CHSY3: variants seen among roughly 807,000 people sequenced by gnomAD.
The protein encoded by CHSY3 is N-acetylgalactosaminyl-proteoglycan 3-beta-glucuronosyltransferase 3.
A neutral mutation model predicts 67.2 loss-of-function variants in CHSY3; 35 were observed. That is an observed-to-expected ratio of 0.52 (90% CI 0.40 to 0.69). The LOEUF is 0.69. Among genes scored for constraint, CHSY3 ranks in the 30% least tolerant of loss-of-function variants. CHSY3 has a pLI of 0.00. For missense variants in CHSY3, 1,069 were observed against 1,138.5 expected (o/e 0.94, Z 0.88); for synonymous variants, 474 against 434.7 (o/e 1.09, Z -1.12).
At position 130,160,387 on chromosome 5, in the gene CHSY3, C is replaced by A. The variant is rs1769496029; in HGVS notation, c.1087-23842C>A. 3.9e-5 allele frequency among the ~76,000 whole-genome samples: 6 copies of A among 152,276 alleles called. No individual in the cohort carries two copies. In the South Asian group the frequency reaches 1.2e-3, roughly 32 times the overall value. On this transcript the variant is annotated intron_variant, in intron 2 of 2. Coordinates refer to ENST00000305031, the MANE Select transcript of CHSY3 (RefSeq NM_175856.5). ...TCCCCCTTACTATAACATGGGATGG[C>A]CCTTTCTCCTATCAAAGGCCCATTC... is the stretch of plus-strand genomic sequence containing the variant.
chr5:129,990,167 TAAC>T (rs1763319877), intron 2 of CHSY3, among the ~76,000 whole-genome samples: 1 of 152,192 alleles, frequency 6.6e-6, no homozygotes, highest in African/African-American at 2.4e-5. Context: ...TCTAATTTTT[TAAC>T]AAAATTACAG....
At chr5:130,001,828 T>C (rs936660808) in intron 2 of CHSY3, 14 of 847,902 alleles carry the variant, frequency 1.7e-5, no homozygotes, top group Admixed American at 6.2e-5. Context: ...TCTATTTTCC[T>C]GTAACTGACA....
chr5:129,927,419 A>T (rs1003459238), intron 2 of CHSY3, among the ~76,000 whole-genome samples: 2 of 152,048 alleles, frequency 1.3e-5, no homozygotes, highest in Non-Finnish European at 2.9e-5. Context: ...GTAGATTAAA[A>T]AATCAACCTA....
intron 2 of CHSY3, among the ~76,000 whole-genome samples, chr5:130,120,542 A>T (rs1409031962): frequency 6.6e-6 from 1 of 151,472 alleles, no homozygotes; most frequent in Non-Finnish European, 1.5e-5. Flanking sequence ...CATTAACACT[A>T]GTTGTGAACA....
At chr5:129,980,782 A>C (rs1324182082) in intron 2 of CHSY3, among the ~76,000 whole-genome samples, 2 of 152,136 alleles carry the variant, frequency 1.3e-5, no homozygotes, top group Non-Finnish European at 2.9e-5. Context: ...ATTCACGTTG[A>C]GTTAACTGTG....
chr5:130,084,597 TAA>T (rs1766550498), intron 2 of CHSY3, among the ~76,000 whole-genome samples: 2 of 149,622 alleles, frequency 1.3e-5, no homozygotes, highest in East Asian at 2.0e-4. Context: ...TTTAATTAAT[TAA>T]TTAATTTATT....
intron 2 of CHSY3, among the ~76,000 whole-genome samples, chr5:130,055,213 A>G (rs1251066429): frequency 6.6e-6 from 1 of 152,116 alleles, no homozygotes; most frequent in Non-Finnish European, 1.5e-5. Flanking sequence ...ATGTGATTCA[A>G]CAAACAATTC....
chr5:130,036,887 G>A (rs1392823744), intron 2 of CHSY3, among the ~76,000 whole-genome samples: 1 of 152,112 alleles, frequency 6.6e-6, no homozygotes, highest in Non-Finnish European at 1.5e-5. Flanking sequence ...AACTGGTAAA[G>A]AGCCATAGTC....
chr5:129,948,879 G>A (rs1356318106), intron 2 of CHSY3, among the ~76,000 whole-genome samples: 3 of 152,122 alleles, frequency 2.0e-5, no homozygotes. Flanking sequence ...TCTTGCAGTA[G>A]TGGGATTGTT....
intron 2 of CHSY3, among the ~76,000 whole-genome samples, chr5:130,111,810 A>C (rs1292925184): frequency 6.6e-6 from 1 of 152,080 alleles, no homozygotes; most frequent in Non-Finnish European, 1.5e-5. Flanking sequence ...AGAAATATGC[A>C]GGTGCAATGA....
At chr5:129,997,121 T>A (rs535402070) in intron 2 of CHSY3, among the ~76,000 whole-genome samples, 20 of 145,752 alleles carry the variant, frequency 1.4e-4, no homozygotes, top group East Asian at 1.0e-3. Flanking sequence ...TCAAAGCATT[T>A]AAAAAAAAAA....
chr5:129,938,965 G>A (rs577388177), intron 2 of CHSY3, among the ~76,000 whole-genome samples: 1 of 152,144 alleles, frequency 6.6e-6, no homozygotes, highest in East Asian at 1.9e-4. Context: ...TTCTGTATTA[G>A]TCCATTCTCA....
chr5:130,142,734 C>T (rs1768906153), intron 2 of CHSY3, among the ~76,000 whole-genome samples: 1 of 152,086 alleles, frequency 6.6e-6, no homozygotes, highest in Non-Finnish European at 1.5e-5. Context: ...TGATCAAGTC[C>T]CAAATTTCCA....
At chr5:129,949,514 G>A (rs1055182870) in intron 2 of CHSY3, among the ~76,000 whole-genome samples, 6 of 152,082 alleles carry the variant, frequency 3.9e-5, no homozygotes, top group African/African-American at 1.4e-4. Flanking sequence ...GACTTCACTG[G>A]TGCATTCTAC....
At chr5:129,968,440 T>A (rs1686875173) in intron 2 of CHSY3, among the ~76,000 whole-genome samples, 1 of 151,962 alleles carries the variant, frequency 6.6e-6, no homozygotes, top group South Asian at 2.1e-4. Context: ...CAAACATATA[T>A]TGAATATTGA....
intron 2 of CHSY3, among the ~76,000 whole-genome samples, chr5:130,060,249 G>C (rs1259245364): frequency 1.3e-5 from 2 of 152,162 alleles, no homozygotes; most frequent in Non-Finnish European, 2.9e-5. Flanking sequence ...AGGATGCAAG[G>C]ATGGTTCAAC....
intron 2 of CHSY3, among the ~76,000 whole-genome samples, chr5:129,912,827 T>C (rs1220054821): frequency 6.6e-6 from 1 of 152,042 alleles, no homozygotes; most frequent in Non-Finnish European, 1.5e-5. Flanking sequence ...CATTGGAGAG[T>C]CTAAATTGAG....
intron 2 of CHSY3, among the ~76,000 whole-genome samples, chr5:130,112,568 CA>C (rs1156829646): frequency 1.3e-5 from 2 of 152,118 alleles, no homozygotes; most frequent in Non-Finnish European, 2.9e-5. Flanking sequence ...TGTCCAGCTA[CA>C]CTCCCCTATA....
rs1580798766 is a variant in CHSY3, at chr5:130,172,336, T to C, written c.1087-11893T>C. On this transcript the variant is annotated intron_variant, in intron 2 of 2. Coordinates refer to ENST00000305031, the MANE Select transcript of CHSY3 (RefSeq NM_175856.5). ...TTTTCTTTTCTTTTCTTTTTTTTTT[T>C]TTTGAGACAGTTGAGACAGGGGCTC... Among the ~76,000 whole-genome samples, 5 of 139,860 alleles carry C rather than the reference T, an allele frequency of 3.6e-5. No individual in the cohort carries two copies. The South Asian group carries it at 1.1e-3, about 31-fold the overall frequency. The allele number at this position is 139,860 out of a possible 152,430, so 91.8% of individuals were successfully genotyped here.
Sources: gnomAD v4.1 joint callset for allele counts (sites outside exome capture counted in the v4.1 genomes callset) on GRCh38, gnomAD v4.1.1 for gene constraint, MANE v1.5 for transcripts, NCBI Gene and HGNC (gene_info 2026-07-23, HGNC 2026-07-21) for gene names.